Variants in AKAP13 observed in about 807,000 individuals in gnomAD.
AKAP13 encodes the protein A-kinase anchoring protein 13.
Under a neutral mutation model 264.5 loss-of-function variants are expected in AKAP13, and 80 were observed. The observed-to-expected ratio is 0.30, with a 90% confidence interval of 0.25 to 0.36. The LOEUF is 0.36. Ranked by LOEUF, AKAP13 falls within the 10% of genes least tolerant of loss-of-function variation. AKAP13 has a pLI of 1.00. For synonymous variants in AKAP13, 1,380 were observed against 1,250.2 expected (o/e 1.10, Z -2.19); for missense variants, 3,712 against 3,435.2 (o/e 1.08, Z -2.01).
intron 1 of AKAP13, among the ~76,000 whole-genome samples, chr15:85,408,515 T>C (rs895025081): frequency 1.3e-5 from 2 of 151,700 alleles, no homozygotes; most frequent in Non-Finnish European, 2.9e-5. Context: ...CAAATACTTT[T>C]CTACTTCCTG....
At chr15:85,524,867 C>T (rs946757826) in intron 3 of AKAP13, among the ~76,000 whole-genome samples, 2 of 125,756 alleles carry the variant, frequency 1.6e-5, no homozygotes, top group Non-Finnish European at 3.3e-5. Context: ...CCCTCTTTCC[C>T]CATTCCCCTG....
At chr15:85,638,948 G>A (rs2082186181) in intron 8 of AKAP13, among the ~76,000 whole-genome samples, 1 of 152,026 alleles carries the variant, frequency 6.6e-6, no homozygotes, top group South Asian at 2.1e-4. Context: ...TAGTAGAGAT[G>A]GGGTTTTGCC....
chr15:85,696,789 GCCC>G (rs779910217), intron 17 of AKAP13, among the ~76,000 whole-genome samples: 5 of 152,222 alleles, frequency 3.3e-5, no homozygotes, highest in Non-Finnish European at 7.3e-5. Flanking sequence ...TAAAGAGCAT[GCCC>G]CCTCATTTGG....
chr15:85,713,533 C>G (rs972120602), intron 19 of AKAP13, among the ~76,000 whole-genome samples: 5 of 127,680 alleles, frequency 3.9e-5, no homozygotes, highest in African/African-American at 1.5e-4. Context: ...TAAGCTCATT[C>G]TCTTTTCTAC....
intron 8 of AKAP13, among the ~76,000 whole-genome samples, chr15:85,632,653 A>G (rs2151452564): frequency 6.6e-6 from 1 of 152,314 alleles, no homozygotes; most frequent in East Asian, 1.9e-4. Flanking sequence ...ACTTAAAGAT[A>G]TGTAACTTTA....
At chr15:85,498,197 G>GATATATATATATATATAT (rs1491342478) in intron 2 of AKAP13, among the ~76,000 whole-genome samples, 375 of 29,924 alleles carry the variant, frequency 0.013, 16 homozygotes, top group South Asian at 0.053. Flanking sequence ...TAAATGAAGT[G>GATATATATATATATATAT]AGATATATAT....
rs957570143 is a variant in AKAP13, at chr15:85,749,074, C to G, written c.*4397C>G. 1 of 152,284 alleles carries G rather than the reference C, an allele frequency of 6.6e-6. No individual in the cohort carries two copies. The highest frequency in any genetic ancestry group is 2.4e-5 in the African/African-American group (1 of 41,472). 9.4% of individuals were successfully genotyped at this position (152,284 alleles called of 1,614,324 possible). A position where few individuals can be genotyped will look rare whatever the true frequency, so the allele number is the denominator to read the frequency against. Reference sequence around the variant, plus strand: ...GGTGGTTGGGATACACCGGATACCTCTGCTCTCATTGCTTGTTTGCAAATG... The same window carrying G: ...GGTGGTTGGGATACACCGGATACCTGTGCTCTCATTGCTTGTTTGCAAATG... On this transcript the variant is annotated 3_prime_UTR_variant, in exon 37 of 37. Coordinates refer to ENST00000394518, the MANE Select transcript of AKAP13 (RefSeq NM_007200.5).
chr15:85,488,403 T>G (rs544457114), intron 2 of AKAP13, among the ~76,000 whole-genome samples: 36 of 152,352 alleles, frequency 2.4e-4, no homozygotes, highest in Admixed American at 1.8e-3. Flanking sequence ...CTTTGTCTGG[T>G]TTTGAGTATT....
intron 2 of AKAP13, among the ~76,000 whole-genome samples, chr15:85,491,569 T>C (rs2075729350): frequency 6.7e-6 from 1 of 148,650 alleles, no homozygotes; most frequent in Non-Finnish European, 1.5e-5. Context: ...ATTTGGCTCT[T>C]ATGAGAGGAC....
intron 2 of AKAP13, among the ~76,000 whole-genome samples, chr15:85,504,560 C>T (rs541731330): frequency 1.2e-3 from 169 of 136,262 alleles, no homozygotes; most frequent in Middle Eastern, 7.8e-3. Flanking sequence ...GGCATGGTGG[C>T]GTGCATTTAT....
intron 8 of AKAP13, among the ~76,000 whole-genome samples, chr15:85,623,757 A>C (rs1435699825): frequency 6.6e-6 from 1 of 152,118 alleles, no homozygotes; most frequent in African/African-American, 2.4e-5. Context: ...ACATACACAT[A>C]CCCATTCCTG....
At chr15:85,434,408 T>C (rs1458079953) in intron 1 of AKAP13, among the ~76,000 whole-genome samples, 2 of 152,194 alleles carry the variant, frequency 1.3e-5, no homozygotes, top group Non-Finnish European at 2.9e-5. Flanking sequence ...GCGCCCGCCA[T>C]TGCCCAGGCT....
intron 1 of AKAP13, among the ~76,000 whole-genome samples, chr15:85,417,129 T>A (rs2072277636): frequency 6.6e-6 from 1 of 152,206 alleles, no homozygotes; most frequent in South Asian, 2.1e-4. Flanking sequence ...AAAGGTAACT[T>A]TTTTCTTTGC....
rs577167962 is a variant in AKAP13 at position 85,649,966 on chromosome 15, C to T, written c.4374+4012C>T. The stretch of plus-strand genomic sequence containing the variant: ...AAGGTCCTTCCATGTTATTTTTCTT[C>T]CCCAGGTTAGCAGATGTATCTACAA... On this transcript the variant is annotated intron_variant, in intron 10 of 36. Coordinates refer to ENST00000394518, the MANE Select transcript of AKAP13 (RefSeq NM_007200.5). Among the ~76,000 whole-genome samples the T allele has an allele frequency of 4.6e-5, 7 of 152,036 alleles. No individual in the cohort carries two copies. The East Asian group carries it at 1.4e-3, about 29-fold the overall frequency.
At chr15:85,418,027 T>C (rs866248733) in intron 1 of AKAP13, among the ~76,000 whole-genome samples, 2 of 150,386 alleles carry the variant, frequency 1.3e-5, no homozygotes, top group Non-Finnish European at 3.0e-5. Flanking sequence ...TTTTACATTC[T>C]TTTTGTACCA....
intron 1 of AKAP13, among the ~76,000 whole-genome samples, chr15:85,432,951 G>A (rs75831857): frequency 0.12 from 17,166 of 148,668 alleles, 1,439 homozygotes; most frequent in East Asian, 0.31. Context: ...AATATAGAAA[G>A]AAAAAAAAAT....
intron 16 of AKAP13, among the ~76,000 whole-genome samples, chr15:85,686,165 G>GTGTGTA (rs1420664417): frequency 7.6e-6 from 1 of 132,098 alleles, no homozygotes; most frequent in Non-Finnish European, 1.6e-5. Context: ...GTGTGTGTGT[G>GTGTGTA]TATGTGTGTG....
chr15:85,740,775 A>ACCCC (rs34080252), intron 34 of AKAP13, among the ~76,000 whole-genome samples: 6 of 67,388 alleles, frequency 8.9e-5, no homozygotes, highest in African/African-American at 2.2e-4. Flanking sequence ...ACACACAACC[A>ACCCC]CCCCCCCCCC....
intron 8 of AKAP13, among the ~76,000 whole-genome samples, chr15:85,624,843 G>C (rs984534832): frequency 1.3e-5 from 2 of 152,248 alleles, no homozygotes; most frequent in African/African-American, 4.8e-5. Context: ...CATTGTGGGT[G>C]TGGTTTAGGG....
Sources: allele counts gnomAD v4.1 joint callset (sites outside exome capture counted in the v4.1 genomes callset), GRCh38; gene constraint gnomAD v4.1.1; transcripts MANE v1.5; gene names NCBI Gene and HGNC (gene_info 2026-07-23, HGNC 2026-07-21).